Variants in MINAR1 observed in about 807,000 individuals in gnomAD.
MINAR1 encodes the protein membrane integral NOTCH2 associated receptor 1.
In MINAR1, 40 loss-of-function variants were observed where a neutral mutation model predicts 65.1. The ratio of observed to expected loss-of-function variants is 0.61; its 90% confidence interval spans 0.48 to 0.80. The LOEUF (loss-of-function observed/expected upper bound fraction) is 0.80, where lower values mean the gene tolerates loss of function less well. Among genes scored for constraint, MINAR1 ranks in the 30% least tolerant of loss-of-function variants. The probability of loss-of-function intolerance (pLI) is 0.00; values close to 1 mark genes in which losing one functional copy is unlikely to be tolerated. For synonymous variants in MINAR1, 482 were observed against 449.1 expected, an observed-to-expected ratio of 1.07 and a Z score of -0.93; for missense variants, 1,128 against 1,148.0, an observed-to-expected ratio of 0.98 and a Z score of 0.25.
In MINAR1 at chr15:79,469,533, CTA is replaced by C. The variant is rs1310156846; in HGVS notation, c.*1153_*1154del. On this transcript the variant is annotated 3_prime_UTR_variant, in exon 4 of 4. Transcript: ENST00000305428. Reference sequence around the variant, plus strand: ...AAATATTATCTGTTTAACCACTTATCTATATGTCTATCTATCTATCTATATGT... The same window carrying C: ...AAATATTATCTGTTTAACCACTTATCTATGTCTATCTATCTATCTATATGT... The C allele has an allele frequency of 6.6e-6, 1 of 151,612 alleles. No individual in the cohort carries two copies. The highest frequency in any genetic ancestry group is 1.9e-4 in the East Asian group (1 of 5,186). 9.4% of individuals were successfully genotyped at this position (151,612 alleles called of 1,614,324 possible). A position where few individuals can be genotyped will look rare whatever the true frequency, so the allele number is the denominator to read the frequency against.
chr15:79,431,741 A>C (rs1894445593), upstream of MINAR1, among the ~76,000 whole-genome samples: 1 of 152,202 alleles, frequency 6.6e-6, no homozygotes, highest in South Asian at 2.1e-4. Flanking sequence ...CACCTTCAGC[A>C]TAGGGGAGTG....
At chr15:79,439,308 T>G (rs1432722702) in intron 1 of MINAR1, among the ~76,000 whole-genome samples, 7 of 18,670 alleles carry the variant, frequency 3.7e-4, no homozygotes, top group Admixed American at 8.4e-4. Context: ...GTGGGTGGGG[T>G]GGGTAGTGAT....
chr15:79,470,586 G>A lies in MINAR1; in HGVS notation c.*2202G>A, dbSNP rs1455574893. ...TTCCTAGTGGACCCCATTTGGGCATGTGCCTAGCTACCTTGGGAAGGCATG... is the reference window on the plus strand; with the variant it reads ...TTCCTAGTGGACCCCATTTGGGCATATGCCTAGCTACCTTGGGAAGGCATG... On this transcript the variant is annotated 3_prime_UTR_variant, in exon 4 of 4. Transcript: ENST00000305428. 6.6e-6 allele frequency: 1 copy of A among 152,210 alleles called. No homozygotes were observed. Among genetic ancestry groups the A allele is most frequent in the African/African-American group, 2.4e-5 (1 of 41,416 alleles). The allele number at this position is 152,210 out of a possible 1,614,324, so 9.4% of individuals were successfully genotyped here.
chr15:79,444,497 T>C (rs1894956584), intron 1 of MINAR1, among the ~76,000 whole-genome samples: 1 of 152,148 alleles, frequency 6.6e-6, no homozygotes, highest in African/African-American at 2.4e-5. Context: ...CTGATTTTTT[T>C]CCCACTTCTA....
intron 1 of MINAR1, among the ~76,000 whole-genome samples, chr15:79,440,431 T>C (rs899918833): frequency 2.0e-5 from 3 of 152,146 alleles, no homozygotes; most frequent in African/African-American, 7.2e-5. Context: ...GAAAGTGGAT[T>C]TGGCTTCTGC....
rs774511077 is a variant in MINAR1 at position 79,463,226 on chromosome 15, T to C, written c.2458T>C (p.Leu820=). The C allele has an allele frequency of 6.2e-7, 1 of 1,614,104 alleles. No individual in the cohort carries two copies. Among genetic ancestry groups the C allele is most frequent in the South Asian group, 1.1e-5 (1 of 91,076 alleles). The change falls in exon 3 of 4, where the codon TTG becomes CTG. Residue 820 remains leucine (L), a synonymous_variant. Transcript: ENST00000305428. ...PLYTDMRLTE[L]AEVKRGQPSW... is the part of the protein sequence containing the mutation. ...GTACACAGACATGCGGCTGACCGAG[T>C]TGGCCGAGGTGAAGCGGGGCCAACC...
At chr15:79,459,683 A>G (rs1033984484) in intron 2 of MINAR1, among the ~76,000 whole-genome samples, 2 of 152,144 alleles carry the variant, frequency 1.3e-5, no homozygotes, top group African/African-American at 4.8e-5. Context: ...AAAGCTTGTA[A>G]AACTGGGTTT....
the MINAR1 span, chr15:79,415,342 G>A: frequency 1.3e-5 from 2 of 152,206 alleles, no homozygotes; most frequent in African/African-American, 4.8e-5. Context: ...ACAGGTCAGT[G>A]GCTGGATGAG....
At chr15:79,446,494 TA>T (rs1318326279) in intron 1 of MINAR1, among the ~76,000 whole-genome samples, 8 of 152,222 alleles carry the variant, frequency 5.3e-5, no homozygotes, top group South Asian at 2.1e-4. Flanking sequence ...ATCTGTATAT[TA>T]TTTTTTTCAG....
chr15:79,417,720 T>C, the MINAR1 span: 1 of 152,194 alleles, frequency 6.6e-6, no homozygotes, highest in Non-Finnish European at 1.5e-5. Context: ...TCTTTAAAAG[T>C]ATGGAGCAAA....
chr15:79,437,835 G>GT (rs1404451400), intron 1 of MINAR1, among the ~76,000 whole-genome samples: 1 of 27,958 alleles, frequency 3.6e-5, no homozygotes, highest in Non-Finnish European at 8.4e-5. Flanking sequence ...TGTGTGTAGG[G>GT]AGTGTGTGGG....
Position 79,470,074 on chromosome 15 carries a change from A to G in MINAR1, c.*1690A>G, listed in dbSNP as rs1164341918. 6.6e-6 allele frequency: 1 copy of G among 152,542 alleles called. No individual in the cohort carries two copies. Among genetic ancestry groups the G allele is most frequent in the Non-Finnish European group, 1.5e-5 (1 of 68,040 alleles). The allele number at this position is 152,542 out of a possible 1,614,324, so 9.4% of individuals were successfully genotyped here. On this transcript the variant is annotated 3_prime_UTR_variant, in exon 4 of 4. Transcript: ENST00000305428. Reference sequence around the variant, plus strand: ...TGAACCTTTATTTTTAGAAGTCTTCATGTTATCTATTTGTATTATCATGTT... The same window carrying G: ...TGAACCTTTATTTTTAGAAGTCTTCGTGTTATCTATTTGTATTATCATGTT...
rs1895710615 is a variant in MINAR1, at chr15:79,463,177, G to A, written c.2409G>A (p.Lys803=). ...FSPHPYPASL[K]AHMKSNPLYT... ...CTCACCCCTACCCTGCCTCCCTCAA[G>A]GCCCACATGAAGAGCAACCCCCTGT... Residue 803 remains lysine, a synonymous_variant, in exon 3 of 4, where the codon AAG becomes AAA. Transcript: ENST00000305428. The A allele has an allele frequency of 6.2e-7, 1 of 1,614,218 alleles. No individual in the cohort carries two copies. The highest frequency in any genetic ancestry group is 8.5e-7 in the Non-Finnish European group (1 of 1,180,050).
the MINAR1 span, chr15:79,421,022 A>G: frequency 6.6e-6 from 1 of 152,210 alleles, no homozygotes; most frequent in Non-Finnish European, 1.5e-5. Context: ...TTTAATAGGT[A>G]CACTTCAGGG....
rs756471785 is a variant in MINAR1, at chr15:79,457,760, A to C, written c.1613A>C (p.Gln538Pro). 1 of 1,614,200 alleles carries C rather than the reference A, an allele frequency of 6.2e-7. No individual in the cohort carries two copies. Among genetic ancestry groups the C allele is most frequent in the Non-Finnish European group, 8.5e-7 (1 of 1,180,030 alleles). Residue 538 changes from glutamine (Q) to proline (P), a missense_variant, in exon 2 of 4, where the codon CAG becomes CCG. By Grantham distance (76) the Gln-to-Pro change is moderately conservative. Transcript: ENST00000305428. Reference protein sequence around the residue: ...MSISGSTGVIQSSCYNSTGSL... With the variant: ...MSISGSTGVIPSSCYNSTGSL... ...ATCAGTGGCTCCACGGGAGTGATACAGTCGTCCTGCTACAACAGCACAGGA... is the reference window on the plus strand; with the variant it reads ...ATCAGTGGCTCCACGGGAGTGATACCGTCGTCCTGCTACAACAGCACAGGA...
intron 3 of MINAR1, 95 bp downstream of exon 3, chr15:79,463,416 C>A: frequency 1.4e-6 from 2 of 1,424,640 alleles, no homozygotes; most frequent in Non-Finnish European, 1.9e-6. Flanking sequence ...GGCCAGCCCA[C>A]TTCCACACCC....
intron 3 of MINAR1, 23 bp downstream of exon 3, chr15:79,463,344 GT>G (rs397687411): frequency 6.6e-6 from 8 of 1,206,260 alleles, no homozygotes; most frequent in African/African-American, 6.4e-5. Flanking sequence ...CTGTCCCTGG[GT>G]GGGGGAAGCC....
intron 2 of MINAR1, among the ~76,000 whole-genome samples, chr15:79,459,060 G>T (rs956123944): frequency 2.0e-5 from 3 of 152,118 alleles, no homozygotes; most frequent in Non-Finnish European, 2.9e-5. Flanking sequence ...CAAGCCTGTA[G>T]TCCCAGCTAC....
intron 2 of MINAR1, among the ~76,000 whole-genome samples, chr15:79,460,665 A>C: frequency 6.7e-6 from 1 of 149,066 alleles, no homozygotes; most frequent in African/African-American, 2.5e-5. Flanking sequence ...CTAAAATGCC[A>C]CTCTCTGTGG....
Sources: gnomAD v4.1 joint callset for allele counts (sites outside exome capture counted in the v4.1 genomes callset) on GRCh38, gnomAD v4.1.1 for gene constraint, MANE v1.5 for transcripts, NCBI Gene and HGNC (gene_info 2026-07-23, HGNC 2026-07-21) for gene names.